DPPA4: variants seen among roughly 807,000 people sequenced by gnomAD.
DPPA4 encodes the protein developmental pluripotency associated 4.
DPPA4 carries 22 observed loss-of-function variants against 33.7 expected under a neutral mutation model. The ratio of observed to expected loss-of-function variants is 0.65; its 90% CI spans 0.47 to 0.93. DPPA4 has a LOEUF of 0.93. DPPA4 is among the 40% of genes least tolerant of loss of function. The probability of loss-of-function intolerance (pLI) is 0.00; values close to 1 mark genes in which losing one functional copy is unlikely to be tolerated. For synonymous variants in DPPA4, 156 were observed against 132.3 expected (o/e 1.18, Z -1.23); for missense variants, 340 against 358.6 (o/e 0.95, Z 0.42).
chr3:109,332,067 C>A (rs1708093172), intron 2 of DPPA4, 36 bp from the exon 3 acceptor site: 1 of 1,489,494 alleles, frequency 6.7e-7, no homozygotes, highest in Non-Finnish European at 9.1e-7. Flanking sequence ...TAGTAATTAT[C>A]TTTGTGTAGC....
chr3:109,334,080 C>CACCA, intron 1 of DPPA4, 87 bp from the exon 2 acceptor site: 1 of 1,494,072 alleles, frequency 6.7e-7, no homozygotes. Flanking sequence ...ACTTCTAAGG[C>CACCA]ACCAACGCAG....
chr3:109,330,511 A>C lies in DPPA4; in HGVS notation c.679+13T>G, dbSNP rs370176490. The C allele has an allele frequency of 1.2e-6, 2 of 1,613,148 alleles. No homozygotes were observed. Among genetic ancestry groups the C allele is most frequent in the Admixed American group, 1.7e-5 (1 of 59,970 alleles). ...CCCATTGGACCAGAATAAGCTCTTC[A>C]TGTTGCGCTTACCAGAGGCCTCTTG... On this transcript the variant is annotated intron_variant, in intron 5 of 6. Transcript: ENST00000335658.
intron 2 of DPPA4, 82 bp downstream of exon 2, chr3:109,333,788 C>A: frequency 6.6e-7 from 1 of 1,517,706 alleles, no homozygotes; most frequent in Non-Finnish European, 9.0e-7. Context: ...GAAATTTCTT[C>A]CCTGGTTTTT....
At chr3:109,333,794 T>C (rs913891964) in intron 2 of DPPA4, 76 bp downstream of exon 2, 1 of 1,551,356 alleles carries the variant, frequency 6.4e-7, no homozygotes, top group East Asian at 2.3e-5. Context: ...TCTTCCCTGG[T>C]TTTTCTTCTT....
At chr3:109,337,573 C>G, upstream of DPPA4, 1 of 1,543,176 alleles carries the variant, frequency 6.5e-7, no homozygotes, top group Non-Finnish European at 9.0e-7. Context: ...CCTCCCACTT[C>G]CTGCCGCCCG....
intron 5 of DPPA4, chr3:109,329,292 T>C (rs994129637): frequency 1.3e-5 from 7 of 542,840 alleles, no homozygotes; most frequent in Non-Finnish European, 2.3e-5. Flanking sequence ...TCCCAGCACT[T>C]TGGGAGGCCG....
chr3:109,328,468 G>C (rs1034729552), intron 6 of DPPA4, among the ~76,000 whole-genome samples: 1 of 152,118 alleles, frequency 6.6e-6, no homozygotes, highest in African/African-American at 2.4e-5. Flanking sequence ...AGAAATTACC[G>C]ATCTCTCCTT....
At chr3:109,334,948 A>G (rs1294744032) in intron 1 of DPPA4, among the ~76,000 whole-genome samples, 1 of 152,104 alleles carries the variant, frequency 6.6e-6, no homozygotes, top group South Asian at 2.1e-4. Flanking sequence ...ATACTACCTC[A>G]TTTCTACCAC....
chr3:109,329,174 A>T, intron 5 of DPPA4, 86 bp from the exon 6 acceptor site: 1 of 1,170,046 alleles, frequency 8.5e-7, no homozygotes, highest in Non-Finnish European at 1.2e-6. Context: ...ATCACCCTTG[A>T]TTGACCAGCT....
chr3:109,328,090 C>T, intron 6 of DPPA4, 66 bp from the exon 7 acceptor site: 1 of 1,047,546 alleles, frequency 9.5e-7, no homozygotes, highest in Non-Finnish European at 1.5e-6. Flanking sequence ...GCCAAGAAAC[C>T]CGCTGCTGGA....
rs1227771107 is a variant in DPPA4, at chr3:109,326,467, C to T, written c.*1521G>A. ...CTTCTCAACAAACTTTCCTCCCTTGCTTTAACATTTTTGAGGATTCTTTCC... is the reference window on the plus strand; with the variant it reads ...CTTCTCAACAAACTTTCCTCCCTTGTTTTAACATTTTTGAGGATTCTTTCC... On this transcript the variant is annotated 3_prime_UTR_variant, in exon 7 of 7. Coordinates refer to ENST00000335658, the MANE Select transcript of DPPA4 (RefSeq NM_018189.4). 3 of 152,132 alleles carry T rather than the reference C, an allele frequency of 2.0e-5. No homozygotes were observed. Among genetic ancestry groups the T allele is most frequent in the Admixed American group, 6.6e-5 (1 of 15,254 alleles). 9.4% of individuals were successfully genotyped at this position (152,132 alleles called of 1,614,324 possible).
intron 2 of DPPA4, among the ~76,000 whole-genome samples, chr3:109,333,175 T>C (rs1708118226): frequency 6.6e-6 from 1 of 151,530 alleles, no homozygotes; most frequent in South Asian, 2.1e-4. Context: ...ACCCTGTCTC[T>C]ACTAAAAATA....
chr3:109,337,511 G>A lies in DPPA4; in HGVS notation c.7C>T (p.Arg3Ter), dbSNP rs779870487. ...ATACTTGTAGAAGAAGCGGAGCCTC[G>A]CAACATGCTTCCAAAATGGCCCCTG... ML[R>*]GSASSTSMEK... The change falls in exon 1 of 7, where the codon CGA (arginine) becomes TGA (stop). Residue 3 changes from arginine to a stop codon, truncating the protein, a stop_gained. Transcript: ENST00000335658. LOFTEE classifies it high-confidence loss of function. 1 of 1,613,996 alleles carries A rather than the reference G, an allele frequency of 6.2e-7. No homozygotes were observed. The highest frequency in any genetic ancestry group is 8.5e-7 in the Non-Finnish European group (1 of 1,179,982).
At chr3:109,334,481 G>C (rs1708151083) in intron 1 of DPPA4, among the ~76,000 whole-genome samples, 1 of 151,854 alleles carries the variant, frequency 6.6e-6, no homozygotes, top group Admixed American at 6.6e-5. Context: ...AGGGAGGTAG[G>C]TAGAGGCTGC....
rs781340432 is a variant in DPPA4 at position 109,329,062 on chromosome 3, T to C, written c.706A>G (p.Lys236Glu). 1.9e-6 allele frequency: 3 copies of C among 1,614,004 alleles called. No homozygotes were observed. Among genetic ancestry groups the C allele is most frequent in the Non-Finnish European group, 2.5e-6 (3 of 1,180,018 alleles). ...SGVRWCVVHG[K>E]SLPADTDGWV... Reference sequence around the variant, plus strand: ...CCATCTGTGTCTGCAGGGAGACTTTTCCCATGGACCACACACCACCTGACA... The same window carrying C: ...CCATCTGTGTCTGCAGGGAGACTTTCCCCATGGACCACACACCACCTGACA... Residue 236 changes from lysine (K) to glutamate (E), a missense_variant, in exon 6 of 7, where the codon AAA becomes GAA. Coordinates refer to ENST00000335658, the MANE Select transcript of DPPA4 (RefSeq NM_018189.4).
chr3:109,332,012 C>T lies in DPPA4; in HGVS notation c.198G>A (p.Lys66=), dbSNP rs1481289697. 1 of 1,613,350 alleles carries T rather than the reference C, an allele frequency of 6.2e-7. No homozygotes were observed. The highest frequency in any genetic ancestry group is 8.5e-7 in the Non-Finnish European group (1 of 1,179,640). Residue 66 remains lysine, a synonymous_variant, in exon 3 of 7, where the codon AAG becomes AAA. Coordinates refer to ENST00000335658, the MANE Select transcript of DPPA4 (RefSeq NM_018189.4). ...GTCTGGGGTTGTCAGTGTGCTCTGC[C>T]TTTTTCTTAGGGCAGAGCACTGAAG... is the stretch of plus-strand genomic sequence containing the variant. ...KGSKVLCPKK[K]AEHTDNPRPQ...
chr3:109,332,774 A>T (rs6767607), intron 2 of DPPA4, among the ~76,000 whole-genome samples: 64,853 of 152,022 alleles, frequency 0.43, 14,857 homozygotes, highest in East Asian at 0.73. Context: ...CCGCTTCTGC[A>T]CCTCACATAC....
chr3:109,336,390 G>A (rs886282116), intron 1 of DPPA4: 1 of 152,084 alleles, frequency 6.6e-6, no homozygotes, highest in Non-Finnish European at 1.5e-5. Flanking sequence ...GAGGACCTGA[G>A]AGCGCTCGGA....
In DPPA4 at chr3:109,326,244, A is replaced by ATC. The variant is rs1267898912; in HGVS notation, c.*1743_*1744insGA. The ATC allele has an allele frequency of 6.6e-6, 1 of 151,404 alleles. No individual in the cohort carries two copies. Among genetic ancestry groups the ATC allele is most frequent in the Non-Finnish European group, 1.5e-5 (1 of 68,056 alleles). 9.4% of individuals were successfully genotyped at this position (151,404 alleles called of 1,614,324 possible). On this transcript the variant is annotated 3_prime_UTR_variant, in exon 7 of 7. Coordinates refer to ENST00000335658, the MANE Select transcript of DPPA4 (RefSeq NM_018189.4). The stretch of plus-strand genomic sequence containing the variant: ...ATCTACAAGCAGAATCGTAAAGCCA[A>ATC]GGACATTTCCAAATTAATAGAAAGG...
Sources: allele counts gnomAD v4.1 joint callset (sites outside exome capture counted in the v4.1 genomes callset), GRCh38; gene constraint gnomAD v4.1.1; transcripts MANE v1.5; gene names NCBI Gene and HGNC (gene_info 2026-07-23, HGNC 2026-07-21).